The following BCLAF1 variants were observed in gnomAD, a reference collection of about 807,000 sequenced individuals.
The protein encoded by BCLAF1 is bcl-2-associated transcription factor 1.
A neutral mutation model predicts 99.5 loss-of-function variants in BCLAF1; 10 were observed. The ratio of observed to expected loss-of-function variants is 0.10; its 90% CI spans 0.06 to 0.17. The LOEUF is 0.17. BCLAF1 is among the 10% of genes least tolerant of loss of function. The pLI is 1.00. For missense variants in BCLAF1, 636 were observed against 1,105.8 expected, an observed-to-expected ratio of 0.58 and a Z score of 6.02; for synonymous variants, 255 against 370.9, an observed-to-expected ratio of 0.69 and a Z score of 3.59.
chr6:136,264,621 A>G (rs58292258), intron 11 of BCLAF1, among the ~76,000 whole-genome samples: 5,283 of 152,278 alleles, frequency 0.035, 205 homozygotes, highest in African/African-American at 0.092. Context: ...CTTCTGAATC[A>G]TATTTTTCCT....
At chr6:136,275,811 A>C (rs1028696145) in intron 5 of BCLAF1, 32 bp downstream of exon 5, 2 of 1,591,332 alleles carry the variant, frequency 1.3e-6, no homozygotes, top group Non-Finnish European at 1.7e-6. Context: ...GACTGCCCAC[A>C]GATTATTTAC....
rs1389619084 is a variant in BCLAF1 at position 136,259,382 on chromosome 6, T to C, written c.*1728A>G. The C allele has an allele frequency of 6.6e-6, 1 of 152,082 alleles. No individual in the cohort carries two copies. Among genetic ancestry groups the C allele is most frequent in the Non-Finnish European group, 1.5e-5 (1 of 67,920 alleles). The allele number at this position is 152,082 out of a possible 1,614,324, so 9.4% of individuals were successfully genotyped here. ...GTCTAACCAAGTAACTGTTATGGTA[T>C]TTATTTGTATACAATAAAAGGGTCA... On this transcript the variant is annotated 3_prime_UTR_variant, in exon 13 of 13. Transcript: ENST00000531224.
intron 3 of BCLAF1, 32 bp downstream of exon 3, chr6:136,279,731 T>G: frequency 6.7e-7 from 1 of 1,503,076 alleles, no homozygotes; most frequent in Middle Eastern, 2.4e-4. Flanking sequence ...ACTGATATAA[T>G]TATTTTAAAA....
chr6:136,273,106 C>G lies in BCLAF1; in HGVS notation c.1934G>C (p.Arg645Pro). 6.2e-7 allele frequency: 1 copy of G among 1,611,698 alleles called. No individual in the cohort carries two copies. Among genetic ancestry groups the G allele is most frequent in the Non-Finnish European group, 8.5e-7 (1 of 1,178,436 alleles). The change falls in exon 7 of 13, where the codon CGG becomes CCG. Residue 645 changes from arginine (R) to proline (P), a missense_variant. Transcript: ENST00000531224. The part of the protein sequence containing the change: ...YQKATEEHST[R>P]QKSPEIHRRI... Reference sequence around the variant, plus strand: ...CCTGTGTATTTCAGGGCTCTTTTGCCGAGTACTATGTTCTTCAGTGGCTTT... The same window carrying G: ...CCTGTGTATTTCAGGGCTCTTTTGCGGAGTACTATGTTCTTCAGTGGCTTT...
At chr6:136,282,239 C>A (rs1784468471) in intron 2 of BCLAF1, among the ~76,000 whole-genome samples, 1 of 151,830 alleles carries the variant, frequency 6.6e-6, no homozygotes, top group African/African-American at 2.4e-5. Flanking sequence ...ATTTGAATTA[C>A]CTAAACACTA....
chr6:136,266,332 A>G (rs933967062), intron 11 of BCLAF1, among the ~76,000 whole-genome samples: 2 of 152,146 alleles, frequency 1.3e-5, no homozygotes, highest in Admixed American at 6.6e-5. Context: ...CCATGACAAA[A>G]AAATGAATAC....
intron 8 of BCLAF1, among the ~76,000 whole-genome samples, chr6:136,270,148 A>G (rs780194430): frequency 6.6e-6 from 1 of 151,954 alleles, no homozygotes. Flanking sequence ...TAAGAATTCT[A>G]TAATTTCCAT....
chr6:136,260,740 T>A lies in BCLAF1; in HGVS notation c.*370A>T, dbSNP rs547708959. 9 of 305,062 alleles carry A rather than the reference T, an allele frequency of 3.0e-5. No homozygotes were observed. The South Asian group carries it at 1.1e-3, about 39-fold the overall frequency. 18.9% of individuals were successfully genotyped at this position (305,062 alleles called of 1,614,324 possible). Reference sequence around the variant, plus strand: ...CTGTTCCAGGATTTATATGTAGAGCTAACGTTTACTTCAGAATAAAACATT... The same window carrying A: ...CTGTTCCAGGATTTATATGTAGAGCAAACGTTTACTTCAGAATAAAACATT... On this transcript the variant is annotated 3_prime_UTR_variant, in exon 13 of 13. Transcript: ENST00000531224.
At chr6:136,274,411 A>T (rs546744446) in intron 6 of BCLAF1, among the ~76,000 whole-genome samples, 33 of 149,548 alleles carry the variant, frequency 2.2e-4, no homozygotes, top group Non-Finnish European at 3.3e-4. Context: ...TTAAAAAATT[A>T]AAAAAAAAAG....
intron 5 of BCLAF1, 45 bp from the exon 6 acceptor site, chr6:136,275,746 G>A (rs770367420): frequency 6.4e-7 from 1 of 1,559,444 alleles, no homozygotes; most frequent in Non-Finnish European, 8.6e-7. Context: ...TATACCATTG[G>A]TTTAAATATA....
chr6:136,267,775 C>G (rs764281000), intron 10 of BCLAF1, among the ~76,000 whole-genome samples: 2 of 151,856 alleles, frequency 1.3e-5, no homozygotes, highest in Non-Finnish European at 2.9e-5. Flanking sequence ...TTGAAGAAAG[C>G]AGGCAAAATG....
chr6:136,258,444 TAAAG>T lies in BCLAF1; in HGVS notation c.*2662_*2665del, dbSNP rs1194530079. On this transcript the variant is annotated 3_prime_UTR_variant, in exon 13 of 13. Transcript: ENST00000531224. ...AAAACAAGACAAAACAAAAAAACAGTAAAGAAAGGTTTGAGGGAGTTTATAAAGC... is the reference window on the plus strand; with the variant it reads ...AAAACAAGACAAAACAAAAAAACAGTAAAGGTTTGAGGGAGTTTATAAAGC... 8 of 151,572 alleles carry T rather than the reference TAAAG, an allele frequency of 5.3e-5. No homozygotes were observed. The highest frequency in any genetic ancestry group is 1.9e-4 in the African/African-American group (8 of 41,198). 9.4% of individuals were successfully genotyped at this position (151,572 alleles called of 1,614,324 possible). A position where few individuals can be genotyped will look rare whatever the true frequency, so the allele number is the denominator to read the frequency against.
At chr6:136,280,357 G>A (rs942447139) in intron 2 of BCLAF1, among the ~76,000 whole-genome samples, 3 of 152,058 alleles carry the variant, frequency 2.0e-5, no homozygotes, top group African/African-American at 7.2e-5. Context: ...AAATGAGACT[G>A]AACTGACCAC....
chr6:136,284,194 C>T (rs1461970233), intron 1 of BCLAF1, among the ~76,000 whole-genome samples: 1 of 142,900 alleles, frequency 7.0e-6, no homozygotes, highest in Non-Finnish European at 1.5e-5. Flanking sequence ...CTCTTTACTC[C>T]GTCATGGTAT....
At chr6:136,274,888 T>C (rs1054678050) in intron 6 of BCLAF1, among the ~76,000 whole-genome samples, 1 of 151,982 alleles carries the variant, frequency 6.6e-6, no homozygotes, top group African/African-American at 2.4e-5. Context: ...ATAAACAACC[T>C]TATCTTTAGG....
intron 1 of BCLAF1, among the ~76,000 whole-genome samples, chr6:136,284,354 AAC>A (rs1194134932): frequency 1.3e-5 from 2 of 152,080 alleles, no homozygotes; most frequent in Non-Finnish European, 2.9e-5. Flanking sequence ...CACAAAATGT[AAC>A]ACACAATAAA....
At chr6:136,267,339 A>G (rs1781850825) in intron 10 of BCLAF1, among the ~76,000 whole-genome samples, 164 bp from the exon 11 acceptor site, 1 of 152,022 alleles carries the variant, frequency 6.6e-6, no homozygotes, top group Admixed American at 6.6e-5. Context: ...TCATAGGCAA[A>G]AAATTTCTGC....
At chr6:136,272,299 G>A (rs868558237) in intron 7 of BCLAF1, among the ~76,000 whole-genome samples, 13 of 151,868 alleles carry the variant, frequency 8.6e-5, no homozygotes, top group African/African-American at 3.1e-4. Flanking sequence ...TAGAAGTGAA[G>A]TCTGGCCTTT....
chr6:136,272,362 A>G (rs910922367), intron 7 of BCLAF1, among the ~76,000 whole-genome samples: 1 of 151,958 alleles, frequency 6.6e-6, no homozygotes, highest in South Asian at 2.1e-4. Flanking sequence ...TGTTTTGATT[A>G]AACTGGATAT....
Sources: gnomAD v4.1 joint callset for allele counts (sites outside exome capture counted in the v4.1 genomes callset) on GRCh38, gnomAD v4.1.1 for gene constraint, MANE v1.5 for transcripts, NCBI Gene and HGNC (gene_info 2026-07-23, HGNC 2026-07-21) for gene names.